The following FBXO42 variants were observed in gnomAD, a reference collection of about 807,000 sequenced individuals.
FBXO42 encodes F-box only protein 42.
Under a neutral mutation model 71.7 loss-of-function variants are expected in FBXO42, and 12 were observed. That is an observed-to-expected ratio of 0.17 (90% confidence interval 0.11 to 0.27). FBXO42 has a LOEUF of 0.27. FBXO42 is among the 10% of genes least tolerant of loss of function. The pLI, the probability that FBXO42 is intolerant of heterozygous loss-of-function variation, is 1.00. For missense variants in FBXO42, 707 were observed against 911.9 expected, an observed-to-expected ratio of 0.78 and a Z score of 2.89; for synonymous variants, 325 against 327.5, an observed-to-expected ratio of 0.99 and a Z score of 0.08.
chr1:16,332,609 C>G (rs1240978628), intron 1 of FBXO42, among the ~76,000 whole-genome samples: 1 of 150,796 alleles, frequency 6.6e-6, no homozygotes, highest in Non-Finnish European at 1.5e-5. Flanking sequence ...GGCACAACCT[C>G]AGCTCACTGC....
intron 2 of FBXO42, among the ~76,000 whole-genome samples, chr1:16,309,719 G>A (rs2082292135): frequency 6.6e-6 from 1 of 151,724 alleles, no homozygotes; most frequent in South Asian, 2.1e-4. Context: ...AACACAAGGA[G>A]ACCCTGTCTC....
Position 16,313,372 on chromosome 1 carries a change from G to GAA in FBXO42, c.250+1796_250+1797insTT, listed in dbSNP as rs1220291837. Among the ~76,000 whole-genome samples the GAA allele has an allele frequency of 3.8e-3, 539 of 141,378 alleles. 2 individuals are homozygous for GAA. Among genetic ancestry groups the GAA allele is most frequent in the African/African-American group, 0.014 (515 of 38,076 alleles). The allele number at this position is 141,378 out of a possible 152,430, so 92.7% of individuals were successfully genotyped here. A position where few individuals can be genotyped will look rare whatever the true frequency, so the allele number is the denominator to read the frequency against. Reference sequence around the variant, plus strand: ...AGAAAGAAAGAAAGAAAGAAAGAAAGAGAAAAGAAAGAAAACCAAAATAAG... The same window carrying GAA: ...AGAAAGAAAGAAAGAAAGAAAGAAAGAAAGAAAAGAAAGAAAACCAAAATAAG... On this transcript the variant is annotated intron_variant, in intron 2 of 9. Coordinates refer to ENST00000375592, the MANE Select transcript of FBXO42 (RefSeq NM_018994.3).
At chr1:16,259,770 A>C (rs533497020) in intron 4 of FBXO42, among the ~76,000 whole-genome samples, 2 of 151,724 alleles carry the variant, frequency 1.3e-5, no homozygotes, top group Non-Finnish European at 1.5e-5. Flanking sequence ...TGTCTCAAAA[A>C]AAAAAAAAAA....
intron 4 of FBXO42, chr1:16,294,300 C>A (rs1245261950): frequency 2.0e-5 from 3 of 153,418 alleles, no homozygotes; most frequent in African/African-American, 7.2e-5. Flanking sequence ...TAGGAATGTA[C>A]CTACTGTAGA....
chr1:16,290,244 TC>T (rs2082063970), intron 4 of FBXO42, among the ~76,000 whole-genome samples: 1 of 152,192 alleles, frequency 6.6e-6, no homozygotes, highest in African/African-American at 2.4e-5. Flanking sequence ...TTACATTAAT[TC>T]CAACTGGTAT....
At chr1:16,337,588 GAAT>G (rs1161973015) in intron 1 of FBXO42, among the ~76,000 whole-genome samples, 1 of 151,896 alleles carries the variant, frequency 6.6e-6, no homozygotes, top group Non-Finnish European at 1.5e-5. Flanking sequence ...ATCCTCAAAA[GAAT>G]AATAGGCCAG....
intron 2 of FBXO42, among the ~76,000 whole-genome samples, chr1:16,307,437 G>A (rs892665498): frequency 1.3e-5 from 2 of 151,908 alleles, no homozygotes; most frequent in African/African-American, 4.8e-5. Flanking sequence ...GGAGTTCAAG[G>A]CAGCAGTGAT....
In FBXO42 at chr1:16,251,115, C is replaced by A. The variant is rs1186414413; in HGVS notation, c.1709G>T (p.Gly570Val). 6.2e-7 allele frequency: 1 copy of A among 1,613,968 alleles called. No homozygotes were observed. The highest frequency in any genetic ancestry group is 2.2e-5 in the East Asian group (1 of 44,870). ...ACTTAGTGCTGCAGAGGCCGAGGGG[C>A]CTTTGGAGGACATCGCTTTGATGGC... ...LEAIKAMSSK[G>V]PSASAALSPP... The change falls in exon 10 of 10, where the codon GGC becomes GTC. Residue 570 changes from glycine (G) to valine (V), a missense_variant. This residue lies in a region of FBXO42 where 482 missense variants were observed against 587.1 expected (regional missense o/e 0.82). Transcript: ENST00000375592. This position sits in a 1 kb window ranked among gnomAD's most constrained non-coding sequence, Gnocchi z 4.5.
At chr1:16,314,258 T>C (rs1293498501) in intron 2 of FBXO42, among the ~76,000 whole-genome samples, 1 of 152,150 alleles carries the variant, frequency 6.6e-6, no homozygotes, top group Non-Finnish European at 1.5e-5. Flanking sequence ...CCAAGAAACA[T>C]ATTTTAAAAA....
intron 3 of FBXO42, among the ~76,000 whole-genome samples, chr1:16,300,241 T>G (rs1377022593): frequency 6.6e-6 from 1 of 152,208 alleles, no homozygotes; most frequent in African/African-American, 2.4e-5. Flanking sequence ...CAAATAATAC[T>G]GAGAGTGTCT....
chr1:16,326,014 T>TTGTG (rs34752325), intron 1 of FBXO42, among the ~76,000 whole-genome samples: 5,324 of 137,404 alleles, frequency 0.039, 177 homozygotes, highest in East Asian at 0.086. Flanking sequence ...GTGCCCAAAT[T>TTGTG]TGTGTGTGTG....
At chr1:16,352,195 G>A in intron 1 of FBXO42, 60 bp downstream of exon 1, 1 of 391,854 alleles carries the variant, frequency 2.6e-6, no homozygotes, top group East Asian at 3.6e-5. Flanking sequence ...CCAGTCCCGG[G>A]CATAAAGGGC....
At chr1:16,308,699 T>A (rs1351171317) in intron 2 of FBXO42, among the ~76,000 whole-genome samples, 1 of 150,202 alleles carries the variant, frequency 6.7e-6, no homozygotes, top group African/African-American at 2.5e-5. Context: ...TTCATAGAGA[T>A]GGAGGTTGAC....
chr1:16,328,645 T>C (rs899003361), intron 1 of FBXO42, among the ~76,000 whole-genome samples: 4 of 152,152 alleles, frequency 2.6e-5, no homozygotes, highest in African/African-American at 9.7e-5. Context: ...ATACATGTGT[T>C]AGTATACACT....
At chr1:16,305,782 G>A (rs1274965431) in intron 3 of FBXO42, 21 bp downstream of exon 3, 1 of 1,584,884 alleles carries the variant, frequency 6.3e-7, no homozygotes, top group South Asian at 1.1e-5. Context: ...GGTGGAATCT[G>A]CTTTCACAGT....
chr1:16,337,508 C>T (rs899758648), intron 1 of FBXO42, among the ~76,000 whole-genome samples: 2 of 152,072 alleles, frequency 1.3e-5, no homozygotes, highest in African/African-American at 2.4e-5. Flanking sequence ...CAGATTTGAA[C>T]CCAATCATAG....
rs146643943 is a variant in FBXO42 at position 16,251,609 on chromosome 1, G to A, written c.1215C>T (p.Asn405=). Residue 405 remains asparagine (N), a synonymous_variant, in exon 10 of 10, where the codon AAC becomes AAT. Transcript: ENST00000375592. This position sits in a 1 kb window ranked among gnomAD's most constrained non-coding sequence, Gnocchi z 4.5. ...VRSMDEAPCV[N]GRWGTLRPRA... ...TGGGTCTCAGTGTTCCCCAGCGGCC[G>A]TTAACACAAGGAGCTTCATCCATGC... 37 of 1,614,062 alleles carry A rather than the reference G, an allele frequency of 2.3e-5. No individual in the cohort carries two copies. The highest frequency in any genetic ancestry group is 2.9e-5 in the Non-Finnish European group (34 of 1,180,050).
At position 16,350,730 on chromosome 1, in the gene FBXO42, G is replaced by C. The variant is rs899284060; in HGVS notation, c.-18+1525C>G. ...CTACTGCACTCCAGCCTGGATGACAGAGTGAGAAACTGCAAAAAAAAAAAA... is the reference window on the plus strand; with the variant it reads ...CTACTGCACTCCAGCCTGGATGACACAGTGAGAAACTGCAAAAAAAAAAAA... On this transcript the variant is annotated intron_variant, in intron 1 of 9. Coordinates refer to ENST00000375592, the MANE Select transcript of FBXO42 (RefSeq NM_018994.3). Among the ~76,000 whole-genome samples the C allele has an allele frequency of 3.1e-4, 12 of 38,102 alleles. No individual in the cohort carries two copies. The Admixed American group carries it at 4.3e-3, about 14-fold the overall frequency. The allele number at this position is 38,102 out of a possible 152,430, so 25.0% of individuals were successfully genotyped here.
At chr1:16,268,789 C>T (rs1053434644) in intron 4 of FBXO42, among the ~76,000 whole-genome samples, 5 of 152,018 alleles carry the variant, frequency 3.3e-5, no homozygotes, top group South Asian at 4.1e-4. Context: ...CATGGAGAAA[C>T]CCCGTCTCTA....
Sources: gnomAD v4.1 joint callset for allele counts (sites outside exome capture counted in the v4.1 genomes callset) on GRCh38, gnomAD v4.1.1 for gene constraint, gnomAD v4.1.1 regional missense constraint, Gnocchi (gnomAD v3.1) non-coding constraint, MANE v1.5 for transcripts, NCBI Gene and HGNC (gene_info 2026-07-23, HGNC 2026-07-21) for gene names.